Variants in ELK3 observed in about 807,000 individuals in gnomAD.
The protein encoded by ELK3 is ETS transcription factor ELK3.
ELK3 carries 10 observed loss-of-function variants against 28.9 expected under a neutral mutation model. The observed-to-expected ratio is 0.35, with a 90% CI of 0.21 to 0.59. The LOEUF is 0.59. ELK3 is among the 20% of genes least tolerant of loss of function. The pLI, the probability that ELK3 is intolerant of heterozygous loss-of-function variation, is 0.82. For missense variants in ELK3, 463 were observed against 517.3 expected (o/e 0.90, Z 1.02); for synonymous variants, 272 against 243.5 (o/e 1.12, Z -1.09).
At chr12:96,263,755 T>TGA (rs1033511854) in intron 4 of ELK3, among the ~76,000 whole-genome samples, 11 of 152,092 alleles carry the variant, frequency 7.2e-5, no homozygotes, top group African/African-American at 2.7e-4. Flanking sequence ...GACGGGGACG[T>TGA]GAGAGTCTGT....
At chr12:96,214,692 C>T (rs1592673186) in intron 1 of ELK3, among the ~76,000 whole-genome samples, 1 of 152,142 alleles carries the variant, frequency 6.6e-6, no homozygotes, top group Non-Finnish European at 1.5e-5. Context: ...TAATAGTCTT[C>T]CAACTCACAG....
At chr12:96,257,376 T>A (rs1043258809) in intron 3 of ELK3, among the ~76,000 whole-genome samples, 8 of 152,318 alleles carry the variant, frequency 5.3e-5, no homozygotes, top group East Asian at 1.9e-4. Context: ...TCAGACATAT[T>A]AAAGATGAGA....
intron 2 of ELK3, among the ~76,000 whole-genome samples, chr12:96,237,724 T>G (rs1330727640): frequency 6.6e-6 from 1 of 152,204 alleles, no homozygotes; most frequent in African/African-American, 2.4e-5. Flanking sequence ...CAGGCTGCCG[T>G]GTGTAACAGT....
At position 96,247,589 on chromosome 12, in the gene ELK3, C is replaced by T. The variant is rs556908477; in HGVS notation, c.857C>T (p.Ser286Phe). The change falls in exon 3 of 5, where the codon TCT becomes TTT. Residue 286 changes from serine (S) to phenylalanine (F), a missense_variant. Physicochemically the swap from Ser to Phe is radical, Grantham distance 155 (BLOSUM62 -2). Around this residue, in one of 2 missense-constraint regions of ELK3, gnomAD observed 408 missense variants for 414.8 expected, o/e 0.98. Coordinates refer to ENST00000228741, the MANE Select transcript of ELK3 (RefSeq NM_005230.4). This position sits in a 1 kb window ranked among gnomAD's most constrained non-coding sequence, Gnocchi z 5.5. ...LSSGSKTKSP[S>F]LPPKAKKPKG... ...TCGGGCTCCAAGACCAAGTCTCCAT[C>T]TCTTCCCCCAAAGGCCAAAAAACCC... 4.3e-6 allele frequency: 7 copies of T among 1,614,056 alleles called. No homozygotes were observed. In the South Asian group the frequency reaches 7.7e-5, roughly 18 times the overall value.
chr12:96,235,403 G>T (rs990112700), intron 2 of ELK3, among the ~76,000 whole-genome samples: 1 of 152,036 alleles, frequency 6.6e-6, no homozygotes, highest in Non-Finnish European at 1.5e-5. Flanking sequence ...TTACGGGGCC[G>T]CATGCTGGGT....
Position 96,212,436 on chromosome 12 carries a change from T to C in ELK3, c.-2-11129T>C, listed in dbSNP as rs546185202. On this transcript the variant is annotated intron_variant, in intron 1 of 4. Coordinates refer to ENST00000228741, the MANE Select transcript of ELK3 (RefSeq NM_005230.4). ...ACTCTGAGGGGGCCTAGGGACTGCCTCAGGTTGTAGGAACCTCTGTTTTTT... is the reference window on the plus strand; with the variant it reads ...ACTCTGAGGGGGCCTAGGGACTGCCCCAGGTTGTAGGAACCTCTGTTTTTT... 3.3e-5 allele frequency among the ~76,000 whole-genome samples: 5 copies of C among 152,324 alleles called. No individual in the cohort carries two copies. In the South Asian group the frequency reaches 1.0e-3, roughly 32 times the overall value.
At chr12:96,238,864 A>G (rs1427046270) in intron 2 of ELK3, among the ~76,000 whole-genome samples, 1 of 152,056 alleles carries the variant, frequency 6.6e-6, no homozygotes, top group African/African-American at 2.4e-5. Context: ...AGTTAACCCC[A>G]CTATTACTCT....
At chr12:96,209,970 T>C (rs1177949780) in intron 1 of ELK3, among the ~76,000 whole-genome samples, 1 of 152,200 alleles carries the variant, frequency 6.6e-6, no homozygotes, top group East Asian at 1.9e-4. Flanking sequence ...CACAACTTTT[T>C]AAGGTTTTGG....
chr12:96,239,132 T>C (rs954568743), intron 2 of ELK3, among the ~76,000 whole-genome samples: 15 of 152,334 alleles, frequency 9.8e-5, no homozygotes, highest in African/African-American at 3.4e-4. Context: ...ATACATTCTT[T>C]AATGTGAAAA....
At chr12:96,216,311 G>C (rs1951618132) in intron 1 of ELK3, among the ~76,000 whole-genome samples, 1 of 152,212 alleles carries the variant, frequency 6.6e-6, no homozygotes, top group Non-Finnish European at 1.5e-5. Flanking sequence ...GACCCTCTTT[G>C]CTGAGGTCAC....
chr12:96,237,940 C>T (rs1309083439), intron 2 of ELK3, among the ~76,000 whole-genome samples: 1 of 152,170 alleles, frequency 6.6e-6, no homozygotes, highest in Admixed American at 6.5e-5. Context: ...AACCCAAAAG[C>T]AGGAGTTGAA....
intron 2 of ELK3, among the ~76,000 whole-genome samples, chr12:96,224,733 T>C (rs1037658148): frequency 1.3e-5 from 2 of 152,252 alleles, no homozygotes; most frequent in Non-Finnish European, 2.9e-5. Context: ...AGTTTGAATC[T>C]GTTGTTGCTG....
At chr12:96,225,623 G>C (rs564117662) in intron 2 of ELK3, among the ~76,000 whole-genome samples, 2 of 152,222 alleles carry the variant, frequency 1.3e-5, no homozygotes, top group African/African-American at 4.8e-5. Flanking sequence ...ACATGAGAAC[G>C]TGGAGGCTTG....
intron 1 of ELK3, among the ~76,000 whole-genome samples, chr12:96,208,086 T>A (rs766548881): frequency 6.6e-6 from 1 of 152,168 alleles, no homozygotes; most frequent in Non-Finnish European, 1.5e-5. Context: ...AGAGTCTCGC[T>A]CTGTTGCCAT....
intron 1 of ELK3, among the ~76,000 whole-genome samples, chr12:96,202,284 T>C (rs371782775): frequency 6.6e-6 from 1 of 152,270 alleles, no homozygotes; most frequent in East Asian, 1.9e-4. Context: ...AAACTGACTT[T>C]TCCTCAGTTC....
At chr12:96,222,610 G>A (rs1592676973) in intron 1 of ELK3, among the ~76,000 whole-genome samples, 1 of 152,154 alleles carries the variant, frequency 6.6e-6, no homozygotes, top group East Asian at 1.9e-4. Flanking sequence ...AAATAATCCA[G>A]CAAAGTCCTT....
chr12:96,257,400 C>T (rs1004964050), intron 3 of ELK3, among the ~76,000 whole-genome samples: 3 of 152,222 alleles, frequency 2.0e-5, no homozygotes, highest in Non-Finnish European at 4.4e-5. Context: ...AAGAAGGCTA[C>T]AGTAGTCTGA....
At chr12:96,236,150 A>C (rs919020434) in intron 2 of ELK3, among the ~76,000 whole-genome samples, 1 of 152,178 alleles carries the variant, frequency 6.6e-6, no homozygotes, top group African/African-American at 2.4e-5. Context: ...CTATGTTATT[A>C]ACACTTAAAA....
chr12:96,196,237 T>C (rs987849576), intron 1 of ELK3, among the ~76,000 whole-genome samples: 6 of 152,154 alleles, frequency 3.9e-5, no homozygotes, highest in Admixed American at 1.3e-4. Context: ...TTTATTTACT[T>C]AGGGGTGCAG....
Sources: allele counts gnomAD v4.1 joint callset (sites outside exome capture counted in the v4.1 genomes callset), GRCh38; gene constraint gnomAD v4.1.1; regional missense constraint gnomAD v4.1.1; non-coding constraint Gnocchi (gnomAD v3.1); transcripts MANE v1.5; gene names NCBI Gene and HGNC (gene_info 2026-07-23, HGNC 2026-07-21).